Variants in ANO3 observed in about 807,000 individuals in gnomAD.
ANO3 encodes anoctamin-3.
ANO3 carries 99 observed loss-of-function variants against 144.8 expected under a neutral mutation model. The ratio of observed to expected loss-of-function variants is 0.68; its 90% CI spans 0.58 to 0.81. The LOEUF is 0.81. Among genes scored for constraint, ANO3 ranks in the 30% least tolerant of loss-of-function variants. The probability of loss-of-function intolerance (pLI) is 0.00; values close to 1 mark genes in which losing one functional copy is unlikely to be tolerated. For missense variants in ANO3, 905 were observed against 1,202.2 expected, an observed-to-expected ratio of 0.75 and a Z score of 3.66; for synonymous variants, 414 against 392.6, an observed-to-expected ratio of 1.05 and a Z score of -0.64.
chr11:26,450,747 A>G (rs1419181588), intron 3 of ANO3, among the ~76,000 whole-genome samples: 1 of 151,488 alleles, frequency 6.6e-6, no homozygotes, highest in Non-Finnish European at 1.5e-5. Context: ...CAAATTAGAC[A>G]ATATTTGTCA....
At chr11:26,581,630 A>G (rs1184006758) in intron 14 of ANO3, among the ~76,000 whole-genome samples, 1 of 146,250 alleles carries the variant, frequency 6.8e-6, no homozygotes, top group Admixed American at 7.1e-5. Context: ...CGGAAGTTCC[A>G]GTGAGCCAAG....
At chr11:26,379,944 C>T (rs1342222840) in intron 1 of ANO3, among the ~76,000 whole-genome samples, 8 of 152,122 alleles carry the variant, frequency 5.3e-5, no homozygotes, top group Non-Finnish European at 8.8e-5. Context: ...TTGGAGAGTT[C>T]CCATTACTTT....
chr11:26,338,527 A>G (rs1038791515), intron 1 of ANO3, among the ~76,000 whole-genome samples: 2 of 152,224 alleles, frequency 1.3e-5, no homozygotes, highest in African/African-American at 2.4e-5. Flanking sequence ...CCCAGCCAGC[A>G]GCAGCAACCC....
rs372822088 is a variant in ANO3, at chr11:26,504,737, A to C, written c.433-3367A>C. On this transcript the variant is annotated intron_variant, in intron 4 of 26. Coordinates refer to ENST00000256737, the MANE Select transcript of ANO3 (RefSeq NM_031418.4). ...ACAAACTATAGAAGAGAAAAGGTAG[A>C]AGCCCGCCGGGCGCGGTGGCTCACG... is the stretch of plus-strand genomic sequence containing the variant. Among the ~76,000 whole-genome samples, 11 of 151,944 alleles carry C rather than the reference A, an allele frequency of 7.2e-5. No homozygotes were observed. In the South Asian group the frequency reaches 1.7e-3, roughly 23 times the overall value.
chr11:26,362,830 T>C (rs1855963979), intron 1 of ANO3, among the ~76,000 whole-genome samples: 2 of 152,242 alleles, frequency 1.3e-5, no homozygotes, highest in African/African-American at 4.8e-5. Context: ...ACCTTCTTTA[T>C]AATTTTATTG....
At chr11:26,324,545 C>G (rs1479110079) in intron 1 of ANO3, among the ~76,000 whole-genome samples, 1 of 152,162 alleles carries the variant, frequency 6.6e-6, no homozygotes, top group Admixed American at 6.5e-5. Flanking sequence ...TGAGCCCAAG[C>G]CAAAATTAGT....
chr11:26,408,559 C>T (rs189271625), intron 1 of ANO3, among the ~76,000 whole-genome samples: 23,845 of 146,704 alleles, frequency 0.16, 2,163 homozygotes, highest in South Asian at 0.31. Flanking sequence ...TTGTGGAAGT[C>T]GGTGTGGCGT....
intron 6 of ANO3, among the ~76,000 whole-genome samples, chr11:26,525,365 A>G (rs1342625922): frequency 6.6e-6 from 1 of 151,524 alleles, no homozygotes; most frequent in Admixed American, 6.6e-5. Flanking sequence ...ACAGACTTTC[A>G]ATAAATAGAA....
At chr11:26,260,505 A>G (rs1853162107) in intron 1 of ANO3, among the ~76,000 whole-genome samples, 1 of 150,966 alleles carries the variant, frequency 6.6e-6, no homozygotes, top group African/African-American at 2.5e-5. Context: ...CTCAAGAAAG[A>G]GATATCACCG....
At chr11:26,323,432 C>T (rs11029517) in intron 1 of ANO3, among the ~76,000 whole-genome samples, 4 of 152,050 alleles carry the variant, frequency 2.6e-5, no homozygotes, top group African/African-American at 9.7e-5. Flanking sequence ...CCCAGACTTA[C>T]TGGGATTGTG....
At chr11:26,444,816 A>T (rs928097563) in intron 3 of ANO3, among the ~76,000 whole-genome samples, 11 of 152,220 alleles carry the variant, frequency 7.2e-5, no homozygotes, top group Non-Finnish European at 1.3e-4. Context: ...CAAATTAGTC[A>T]CATTTCTTAT....
chr11:26,570,339 T>C (rs1431279498), intron 14 of ANO3, among the ~76,000 whole-genome samples: 4 of 152,022 alleles, frequency 2.6e-5, no homozygotes, highest in Non-Finnish European at 5.9e-5. Flanking sequence ...CTCTGGCCAG[T>C]AAGGGAAGCA....
chr11:26,299,430 A>C (rs1854166916), intron 1 of ANO3, among the ~76,000 whole-genome samples: 1 of 152,220 alleles, frequency 6.6e-6, no homozygotes, highest in Non-Finnish European at 1.5e-5. Context: ...AATGAATTAG[A>C]AATAGTAAGT....
At chr11:26,559,556 A>G in intron 13 of ANO3, 163 bp from the exon 14 acceptor site, 1 of 580,292 alleles carries the variant, frequency 1.7e-6, no homozygotes, top group Non-Finnish European at 3.1e-6. Context: ...ATCATGTGAA[A>G]TTGTTGCAAG....
chr11:26,233,284 G>A (rs554573487), intron 1 of ANO3, among the ~76,000 whole-genome samples: 40 of 151,622 alleles, frequency 2.6e-4, no homozygotes, highest in Admixed American at 1.8e-3. Context: ...GTGGGCAAAG[G>A]ATATGAACAG....
At chr11:26,659,748 A>T (rs1205364679) in intron 26 of ANO3, among the ~76,000 whole-genome samples, 1 of 152,194 alleles carries the variant, frequency 6.6e-6, no homozygotes, top group Non-Finnish European at 1.5e-5. Context: ...TAGAATTATT[A>T]TGTAATAAAG....
chr11:26,615,050 A>G (rs1030330716), intron 17 of ANO3, among the ~76,000 whole-genome samples: 2 of 151,288 alleles, frequency 1.3e-5, no homozygotes, highest in South Asian at 4.1e-4. Flanking sequence ...TTTTCGGATC[A>G]TTTGAATATT....
At chr11:26,475,317 T>C (rs1157534462) in intron 4 of ANO3, among the ~76,000 whole-genome samples, 2 of 152,018 alleles carry the variant, frequency 1.3e-5, no homozygotes, top group African/African-American at 4.8e-5. Flanking sequence ...TAAGGTCAGA[T>C]AGCTCAGGTG....
intron 3 of ANO3, 68 bp from the exon 4 acceptor site, chr11:26,462,962 T>C (rs1489742540): frequency 1.4e-6 from 1 of 714,772 alleles, no homozygotes. Context: ...AGAGGAGAGA[T>C]TAGTATGTTT....
Sources: allele counts gnomAD v4.1 joint callset (sites outside exome capture counted in the v4.1 genomes callset), GRCh38; gene constraint gnomAD v4.1.1; transcripts MANE v1.5; gene names NCBI Gene and HGNC (gene_info 2026-07-23, HGNC 2026-07-21).